The following PTPRK variants were observed in gnomAD, a reference collection of about 807,000 sequenced individuals.
The protein encoded by PTPRK is protein tyrosine phosphatase receptor type K.
A neutral mutation model predicts 178.0 loss-of-function variants in PTPRK; 75 were observed. That is an observed-to-expected ratio of 0.42 (90% CI 0.35 to 0.51). The LOEUF (loss-of-function observed/expected upper bound fraction) is 0.51. PTPRK is among the 20% of genes least tolerant of loss of function. PTPRK has a pLI of 0.02. For missense variants in PTPRK, 1,441 were observed against 1,797.8 expected (o/e 0.80, Z 3.59); for synonymous variants, 637 against 620.6 (o/e 1.03, Z -0.39).
At chr6:128,040,615 G>C (rs1777007793) in intron 13 of PTPRK, among the ~76,000 whole-genome samples, 1 of 152,042 alleles carries the variant, frequency 6.6e-6, no homozygotes, top group African/African-American at 2.4e-5. Context: ...CTCTCAGAAA[G>C]AGTAACATTG....
intron 7 of PTPRK, among the ~76,000 whole-genome samples, chr6:128,161,042 C>A (rs1798636987): frequency 1.3e-5 from 2 of 151,554 alleles, no homozygotes; most frequent in Non-Finnish European, 3.0e-5. Context: ...GTCTTGTATT[C>A]TCTTCCACCT....
intron 13 of PTPRK, among the ~76,000 whole-genome samples, chr6:128,056,746 G>T (rs1171143871): frequency 6.6e-6 from 1 of 152,034 alleles, no homozygotes; most frequent in African/African-American, 2.4e-5. Context: ...TTAAATACCT[G>T]TTCTCCCTTT....
At chr6:128,356,359 C>T (rs566995213) in intron 2 of PTPRK, among the ~76,000 whole-genome samples, 2 of 152,198 alleles carry the variant, frequency 1.3e-5, no homozygotes, top group Non-Finnish European at 2.9e-5. Flanking sequence ...GCATGGCGAG[C>T]TCACTTCATT....
At position 128,256,827 on chromosome 6, in the gene PTPRK, C is replaced by T. The variant is rs145446220; in HGVS notation, c.496-14225G>A. Among the ~76,000 whole-genome samples, 562 of 152,096 alleles carry T rather than the reference C, an allele frequency of 3.7e-3. 3 individuals carry two copies. The highest frequency in any genetic ancestry group is 0.013 in the African/African-American group (527 of 41,482). ...TTTAAAACACTGCAAAAAAAGAGGGCGTTACAGACCAAATAAGGTGTATTT... is the reference window on the plus strand; with the variant it reads ...TTTAAAACACTGCAAAAAAAGAGGGTGTTACAGACCAAATAAGGTGTATTT... On this transcript the variant is annotated intron_variant, in intron 3 of 29. Coordinates refer to ENST00000368226, the MANE Select transcript of PTPRK (RefSeq NM_002844.4).
intron 1 of PTPRK, among the ~76,000 whole-genome samples, chr6:128,449,508 C>CA (rs1847479415): frequency 6.6e-6 from 1 of 151,870 alleles, no homozygotes; most frequent in African/African-American, 2.4e-5. Context: ...AAACGGAAAC[C>CA]TGGATAAAAA....
chr6:128,449,027 T>A (rs1360277480), intron 1 of PTPRK, among the ~76,000 whole-genome samples: 1 of 150,072 alleles, frequency 6.7e-6, no homozygotes, highest in Non-Finnish European at 1.5e-5. Flanking sequence ...GCCTGGCTAA[T>A]TTTTTTTTTC....
In PTPRK at chr6:128,013,484, G is replaced by A. The variant is rs117568315; in HGVS notation, c.2195-4216C>T. ...ACCTTAAGCACACCATGTCCAACCC[G>A]AACTCATAATCTTATCTCATGCCAG... On this transcript the variant is annotated intron_variant, in intron 13 of 29. Transcript: ENST00000368226. Among the ~76,000 whole-genome samples the A allele has an allele frequency of 7.3e-4, 111 of 151,418 alleles. 1 individual carries two copies. The East Asian group carries it at 0.02, about 27-fold the overall frequency.
chr6:128,291,108 C>A (rs951677432), intron 3 of PTPRK, among the ~76,000 whole-genome samples: 1 of 151,790 alleles, frequency 6.6e-6, no homozygotes, highest in South Asian at 2.1e-4. Flanking sequence ...CTTGGATTAC[C>A]CAGGTGGGTT....
chr6:128,348,629 T>C (rs1832727375), intron 2 of PTPRK, among the ~76,000 whole-genome samples: 1 of 152,064 alleles, frequency 6.6e-6, no homozygotes, highest in South Asian at 2.1e-4. Flanking sequence ...TGATCGATTT[T>C]TATTTTTCCC....
chr6:128,035,211 A>T (rs1475488516), intron 13 of PTPRK, among the ~76,000 whole-genome samples: 1 of 152,054 alleles, frequency 6.6e-6, no homozygotes, highest in Non-Finnish European at 1.5e-5. Context: ...TACAAAAAAT[A>T]CAAAATTATC....
intron 1 of PTPRK, among the ~76,000 whole-genome samples, chr6:128,511,468 T>G (rs1857178536): frequency 6.6e-6 from 1 of 152,168 alleles, no homozygotes; most frequent in East Asian, 1.9e-4. Context: ...AGCAGATAAT[T>G]CACATTTCCT....
chr6:128,396,123 T>A (rs950755842), intron 2 of PTPRK, among the ~76,000 whole-genome samples: 1 of 151,926 alleles, frequency 6.6e-6, no homozygotes, highest in Non-Finnish European at 1.5e-5. Flanking sequence ...CTCTCTTCAA[T>A]AAGCAGAATT....
chr6:128,328,515 T>A (rs1308677371), intron 2 of PTPRK, among the ~76,000 whole-genome samples: 1 of 152,220 alleles, frequency 6.6e-6, no homozygotes, highest in South Asian at 2.1e-4. Context: ...CAAATGAAAC[T>A]AGTTTATGCT....
chr6:128,138,953 G>A (rs142165085), intron 7 of PTPRK, among the ~76,000 whole-genome samples: 6 of 152,134 alleles, frequency 3.9e-5, no homozygotes, highest in African/African-American at 7.2e-5. Flanking sequence ...CCCCAAGAGG[G>A]GTGAATAAAA....
At chr6:128,025,989 A>C (rs1467975960) in intron 13 of PTPRK, among the ~76,000 whole-genome samples, 3 of 152,242 alleles carry the variant, frequency 2.0e-5, no homozygotes, top group Non-Finnish European at 4.4e-5. Flanking sequence ...GGTATCTTCC[A>C]GTAGCCATTA....
intron 6 of PTPRK, among the ~76,000 whole-genome samples, chr6:128,207,504 T>C (rs1807187704): frequency 6.6e-6 from 1 of 152,216 alleles, no homozygotes; most frequent in South Asian, 2.1e-4. Context: ...TTAGTATTTC[T>C]ATTTGAATAT....
chr6:128,361,633 A>G (rs1834759090), intron 2 of PTPRK, among the ~76,000 whole-genome samples: 1 of 152,132 alleles, frequency 6.6e-6, no homozygotes, highest in Non-Finnish European at 1.5e-5. Context: ...TGCTCCTACA[A>G]TATAAACCTG....
At chr6:128,415,474 G>GAAA (rs2128382198) in intron 1 of PTPRK, among the ~76,000 whole-genome samples, 1 of 143,040 alleles carries the variant, frequency 7.0e-6, no homozygotes, top group South Asian at 2.2e-4. Flanking sequence ...TTTCAGTGGT[G>GAAA]AAAAACATGC....
chr6:128,401,196 C>T (rs2128371668), intron 1 of PTPRK, among the ~76,000 whole-genome samples: 1 of 152,254 alleles, frequency 6.6e-6, no homozygotes, highest in East Asian at 1.9e-4. Context: ...GGTTGGCAAC[C>T]TGTTCATCTG....
Sources: allele counts gnomAD v4.1 joint callset (sites outside exome capture counted in the v4.1 genomes callset), GRCh38; gene constraint gnomAD v4.1.1; transcripts MANE v1.5; gene names NCBI Gene and HGNC (gene_info 2026-07-23, HGNC 2026-07-21).